Variants in UPK1A observed in about 807,000 individuals in gnomAD.
UPK1A encodes uroplakin 1A.
UPK1A carries 31 observed loss-of-function variants against 32.3 expected under a neutral mutation model. That is an observed-to-expected ratio of 0.96 (90% CI 0.72 to 1.30). The LOEUF (loss-of-function observed/expected upper bound fraction) is 1.30. Among genes scored for constraint, UPK1A ranks in the 50% most tolerant of loss-of-function variants. UPK1A has a pLI of 0.00. For synonymous variants in UPK1A, 135 were observed against 137.1 expected, an observed-to-expected ratio of 0.98 and a Z score of 0.11; for missense variants, 340 against 357.4, an observed-to-expected ratio of 0.95 and a Z score of 0.39.
intron 3 of UPK1A, among the ~76,000 whole-genome samples, chr19:35,671,758 G>A (rs567450421): frequency 2.6e-5 from 4 of 151,794 alleles, no homozygotes; most frequent in South Asian, 4.2e-4. Flanking sequence ...CACCGTGCCC[G>A]GCCCCCAAAT....
intron 3 of UPK1A, among the ~76,000 whole-genome samples, chr19:35,669,596 G>A (rs577346806): frequency 1.3e-4 from 19 of 151,996 alleles, no homozygotes; most frequent in East Asian, 5.8e-4. Flanking sequence ...ACTAGAACCC[G>A]GGAGGCAGAG....
chr19:35,668,627 C>G, exon 3 of UPK1A: 6 of 1,613,696 alleles, frequency 3.7e-6, no homozygotes, highest in Non-Finnish European at 5.1e-6. Flanking sequence ...GTGCCGCACT[C>G]TGCCGCCGCC....
chr19:35,666,763 G>T, intron 1 of UPK1A, 46 bp from the exon 2 acceptor site: 1 of 1,594,634 alleles, frequency 6.3e-7, no homozygotes, highest in Non-Finnish European at 8.6e-7. Flanking sequence ...GGGGGGTCCG[G>T]CTGGCCCTTT....
intron 4 of UPK1A, 41 bp downstream of exon 4, chr19:35,673,347 G>C: frequency 6.2e-7 from 1 of 1,612,572 alleles, no homozygotes; most frequent in East Asian, 2.2e-5. Flanking sequence ...GACCTGCATG[G>C]GAGGGGCGAG....
rs1007669893 is a variant in UPK1A at position 35,674,403 on chromosome 19, C to G, written c.468+858C>G. ...CTGGGACTACAGGCGCCTGCCACCG[C>G]GCCCAGCTGATTTTTTGTATTTTTA... On this transcript the variant is annotated intron_variant, in intron 5 of 7. Coordinates refer to ENST00000617999, the Ensembl canonical transcript of UPK1A. 2.0e-5 allele frequency among the ~76,000 whole-genome samples: 3 copies of G among 151,942 alleles called. No individual in the cohort carries two copies. In the South Asian group the frequency reaches 6.2e-4, roughly 32 times the overall value.
At chr19:35,668,409 G>A in intron 2 of UPK1A, 45 bp from the exon 3 acceptor site, 1 of 1,609,130 alleles carries the variant, frequency 6.2e-7, no homozygotes. Flanking sequence ...TGGTGCCAGG[G>A]CTGCTGGCCC....
At chr19:35,673,709 TA>T (rs1047057265) in intron 5 of UPK1A, among the ~76,000 whole-genome samples, 164 bp downstream of exon 5, 19 of 152,036 alleles carry the variant, frequency 1.2e-4, no homozygotes, top group African/African-American at 4.3e-4. Flanking sequence ...TGCGGATGAG[TA>T]AACAGGCCCA....
At chr19:35,668,828 T>A in intron 3 of UPK1A, 174 bp downstream of exon 3, 3 of 734,200 alleles carry the variant, frequency 4.1e-6, no homozygotes, top group Non-Finnish European at 6.4e-6. Flanking sequence ...CAGGCTTGAG[T>A]AGCAGAGCTG....
In UPK1A at chr19:35,671,279, C is replaced by T. The variant is rs564772952; in HGVS notation, c.286-1953C>T. 9.5e-5 allele frequency among the ~76,000 whole-genome samples: 14 copies of T among 147,186 alleles called. No homozygotes were observed. The South Asian group carries it at 2.9e-3, about 30-fold the overall frequency. On this transcript the variant is annotated intron_variant, in intron 3 of 7. Transcript: ENST00000617999. ...GCGGGCGCCTGTAGTCCCAGCTACT[C>T]GGGAGGCTGAGGCAGGAGAATGGCG...
chr19:35,666,567 A>G (rs1967999857), intron 1 of UPK1A, 29 bp downstream of exon 1: 3 of 516,858 alleles, frequency 5.8e-6, no homozygotes, highest in Non-Finnish European at 1.0e-5. Context: ...GAGTCTGGGT[A>G]TGGCATGAGG....
At chr19:35,669,577 G>A (rs1039370963) in intron 3 of UPK1A, among the ~76,000 whole-genome samples, 9 of 151,930 alleles carry the variant, frequency 5.9e-5, no homozygotes, top group Non-Finnish European at 8.8e-5. Flanking sequence ...AGGCTGGGGC[G>A]GAAGAATCAC....
chr19:35,668,882 C>A (rs192100775), intron 3 of UPK1A, among the ~76,000 whole-genome samples: 145 of 149,050 alleles, frequency 9.7e-4, no homozygotes, highest in Non-Finnish European at 1.7e-3. Context: ...GGGGGTCTCA[C>A]TATGTTGCCC....
chr19:35,670,436 C>T (rs935666906), intron 3 of UPK1A, among the ~76,000 whole-genome samples: 73 of 117,974 alleles, frequency 6.2e-4, no homozygotes, highest in African/African-American at 2.3e-3. Flanking sequence ...TTTTTCTACA[C>T]AGGCAGGTGT....
chr19:35,667,031 TCCCAGCTCTGCCTCTC>T (rs1014824932), intron 2 of UPK1A, 135 bp downstream of exon 2: 5 of 813,418 alleles, frequency 6.1e-6, no homozygotes, highest in Non-Finnish European at 1.0e-5. Context: ...TGGGTTGAAA[TCCCAGCTCTGCCTCTC>T]CCCAGCTCTG....
chr19:35,668,584 TCTC>T (rs1296846799), exon 3 of UPK1A: 4 of 1,614,092 alleles, frequency 2.5e-6, no homozygotes, highest in South Asian at 1.1e-5. Flanking sequence ...TTCTGCGGCT[TCTC>T]CTTCTTCATG....
chr19:35,672,059 G>A lies in UPK1A; in HGVS notation c.286-1173G>A, dbSNP rs909005991. 8.5e-5 allele frequency among the ~76,000 whole-genome samples: 13 copies of A among 152,138 alleles called. No individual in the cohort carries two copies. The East Asian group carries it at 1.5e-3, about 18-fold the overall frequency. ...AGCAGCAGAGTTCACACATCCACACGCAACCTCCTGCTGCTTTATAGATGA... is the reference window on the plus strand; with the variant it reads ...AGCAGCAGAGTTCACACATCCACACACAACCTCCTGCTGCTTTATAGATGA... On this transcript the variant is annotated intron_variant, in intron 3 of 7. Coordinates refer to ENST00000617999, the Ensembl canonical transcript of UPK1A.
intron 3 of UPK1A, among the ~76,000 whole-genome samples, chr19:35,671,184 C>T (rs1166362602): frequency 2.0e-5 from 3 of 151,614 alleles, no homozygotes; most frequent in African/African-American, 4.8e-5. Context: ...GTCAGGAGAT[C>T]GAGACCTTCC....
intron 3 of UPK1A, among the ~76,000 whole-genome samples, chr19:35,669,667 T>A (rs563339144): frequency 1.3e-5 from 2 of 151,738 alleles, no homozygotes; most frequent in South Asian, 4.2e-4. Flanking sequence ...CGAGACTCCA[T>A]CTCAAAAAAA....
chr19:35,677,727 C>A, intron 6 of UPK1A, 85 bp from the exon 7 acceptor site: 1 of 1,531,926 alleles, frequency 6.5e-7, no homozygotes, highest in Non-Finnish European at 8.9e-7. Context: ...AAGGTGGTGA[C>A]TTTCCCAAGG....
Sources: allele counts gnomAD v4.1 joint callset (sites outside exome capture counted in the v4.1 genomes callset), GRCh38; gene constraint gnomAD v4.1.1; transcripts MANE v1.5; gene names NCBI Gene and HGNC (gene_info 2026-07-23, HGNC 2026-07-21).